Variants in FOXN3 observed in about 807,000 individuals in gnomAD.
The protein encoded by FOXN3 is forkhead box protein N3.
In FOXN3, 7 loss-of-function variants were observed where a neutral mutation model predicts 38.4. The ratio of observed to expected loss-of-function variants is 0.18; its 90% confidence interval spans 0.10 to 0.34. The LOEUF (loss-of-function observed/expected upper bound fraction) is 0.34, where lower values mean the gene tolerates loss of function less well. Among genes scored for constraint, FOXN3 ranks in the 10% least tolerant of loss-of-function variants. FOXN3 has a pLI of 1.00. For synonymous variants in FOXN3, 230 were observed against 242.2 expected (o/e 0.95, Z 0.47); for missense variants, 456 against 613.4 (o/e 0.74, Z 2.71).
At chr14:89,526,498 T>A (rs1395709927) in intron 1 of FOXN3, among the ~76,000 whole-genome samples, 2 of 152,070 alleles carry the variant, frequency 1.3e-5, no homozygotes, top group East Asian at 3.8e-4. Flanking sequence ...ATAAACAATA[T>A]AATTTACAAT....
In FOXN3 at chr14:89,176,351, A is replaced by C. The variant is rs1277009118; in HGVS notation, c.851+4350T>G. Among the ~76,000 whole-genome samples, 6 of 149,758 alleles carry C rather than the reference A, an allele frequency of 4.0e-5. No homozygotes were observed. In the East Asian group the frequency reaches 1.2e-3, roughly 29 times the overall value. ...AAGACAAACAAACATGGCCTTTGCC[A>C]CTCTGTGGAGGAAAAAAAAATCCCT... is the stretch of plus-strand genomic sequence containing the variant. On this transcript the variant is annotated intron_variant, in intron 5 of 5. Transcript: ENST00000557258.
chr14:89,516,555 A>G (rs1179403010), intron 1 of FOXN3, among the ~76,000 whole-genome samples: 1 of 108,520 alleles, frequency 9.2e-6, no homozygotes, highest in Admixed American at 1.3e-4. Context: ...TCAGGCTGCC[A>G]GTAGTTTTTT....
At chr14:89,493,254 ATT>A (rs1006468914) in intron 1 of FOXN3, among the ~76,000 whole-genome samples, 2 of 152,216 alleles carry the variant, frequency 1.3e-5, no homozygotes, top group Admixed American at 1.3e-4. Context: ...AAATAAAAAA[ATT>A]TTTTGACATT....
chr14:89,539,797 G>A lies in FOXN3; in HGVS notation c.-15+79231C>T, dbSNP rs551013183. Among the ~76,000 whole-genome samples the A allele has an allele frequency of 7.9e-5, 12 of 152,306 alleles. No homozygotes were observed. In the South Asian group the frequency reaches 1.5e-3, roughly 18 times the overall value. ...ACTGATGGGTGACAGAGGGAGGCTC[G>A]TTAGGGTTAGTCCACGGCAGCTGTG... On this transcript the variant is annotated intron_variant, in intron 1 of 6. Transcript: ENST00000345097.
chr14:89,340,711 G>A (rs774662557), intron 3 of FOXN3, among the ~76,000 whole-genome samples: 28 of 152,042 alleles, frequency 1.8e-4, no homozygotes, highest in Non-Finnish European at 2.9e-4. Context: ...ATAGGGGGGA[G>A]GTTGGGATGA....
At chr14:89,236,243 C>T (rs1455805929) in intron 4 of FOXN3, among the ~76,000 whole-genome samples, 1 of 152,168 alleles carries the variant, frequency 6.6e-6, no homozygotes, top group African/African-American at 2.4e-5. Context: ...AGGCCGGGCA[C>T]GGTGGCTCAT....
intron 4 of FOXN3, among the ~76,000 whole-genome samples, chr14:89,235,696 G>A (rs570569817): frequency 1.5e-4 from 23 of 152,308 alleles, no homozygotes; most frequent in African/African-American, 4.8e-4. Flanking sequence ...AATCACAAAG[G>A]TCCTCACAAG....
chr14:89,505,682 C>G (rs1394994153), intron 1 of FOXN3, among the ~76,000 whole-genome samples: 1 of 152,130 alleles, frequency 6.6e-6, no homozygotes, highest in African/African-American at 2.4e-5. Context: ...ATTGCAGCCT[C>G]TGCCCGGCCA....
chr14:89,396,669 TAAG>T (rs1891107151), intron 2 of FOXN3, among the ~76,000 whole-genome samples: 1 of 152,044 alleles, frequency 6.6e-6, no homozygotes, highest in Non-Finnish European at 1.5e-5. Flanking sequence ...CCGTCTCTAC[TAAG>T]AATACAAAAA....
At chr14:89,239,002 T>C (rs1044464037) in intron 4 of FOXN3, among the ~76,000 whole-genome samples, 2 of 152,122 alleles carry the variant, frequency 1.3e-5, no homozygotes, top group Admixed American at 6.5e-5. Context: ...ACATTTAAAA[T>C]GAACAATTAT....
chr14:89,435,706 C>T (rs947519340), intron 1 of FOXN3, among the ~76,000 whole-genome samples: 14 of 152,224 alleles, frequency 9.2e-5, no homozygotes. Context: ...AAACCCTCAG[C>T]TATCCACAGG....
chr14:89,591,502 G>A (rs368324), intron 1 of FOXN3, among the ~76,000 whole-genome samples: 2,987 of 152,316 alleles, frequency 0.02, 47 homozygotes, highest in Non-Finnish European at 0.028. Context: ...CCCAGTCCAT[G>A]AGCAGCGCTA....
At chr14:89,502,716 G>A (rs1012063075) in intron 1 of FOXN3, among the ~76,000 whole-genome samples, 2 of 152,180 alleles carry the variant, frequency 1.3e-5, no homozygotes, top group African/African-American at 4.8e-5. Flanking sequence ...ATTTTAATAA[G>A]TGTCGGGGGG....
intron 1 of FOXN3, among the ~76,000 whole-genome samples, chr14:89,525,631 TA>T (rs55848557): frequency 0.021 from 2,653 of 123,878 alleles, 57 homozygotes; most frequent in African/African-American, 0.067. Flanking sequence ...TTGTTTTCAC[TA>T]AAAAAAAAAA....
intron 1 of FOXN3, among the ~76,000 whole-genome samples, chr14:89,520,105 C>A (rs1358231981): frequency 6.6e-6 from 1 of 151,686 alleles, no homozygotes; most frequent in East Asian, 1.9e-4. Flanking sequence ...CCTCCACCTC[C>A]TAGGCTCAAG....
chr14:89,176,901 C>T (rs914532140), intron 5 of FOXN3, among the ~76,000 whole-genome samples: 1 of 152,192 alleles, frequency 6.6e-6, no homozygotes, highest in Non-Finnish European at 1.5e-5. Context: ...CCCTCTTCCC[C>T]TAATTTCCCT....
intron 1 of FOXN3, among the ~76,000 whole-genome samples, chr14:89,546,711 A>G (rs1186161639): frequency 1.3e-5 from 2 of 152,080 alleles, no homozygotes; most frequent in African/African-American, 2.4e-5. Context: ...CTTTTCACAT[A>G]TATGTATATA....
Position 89,196,553 on chromosome 14 carries a change from T to C in FOXN3, c.746-15747A>G, listed in dbSNP as rs74077103. ...AATGTCCCTTGATTTGCTCCTCCCTTTGTGACTTGTGGCTGCCAGAGCTAC... is the reference window on the plus strand; with the variant it reads ...AATGTCCCTTGATTTGCTCCTCCCTCTGTGACTTGTGGCTGCCAGAGCTAC... On this transcript the variant is annotated intron_variant, in intron 4 of 5. Coordinates refer to ENST00000557258, the MANE Select transcript of FOXN3 (RefSeq NM_005197.4). Among the ~76,000 whole-genome samples the C allele has an allele frequency of 5.5e-3, 844 of 152,286 alleles. 8 individuals carry two copies. The highest frequency in any genetic ancestry group is 0.019 in the African/African-American group (787 of 41,558).
chr14:89,491,075 A>G (rs991504754), intron 1 of FOXN3, among the ~76,000 whole-genome samples: 1 of 152,118 alleles, frequency 6.6e-6, no homozygotes, highest in African/African-American at 2.4e-5. Flanking sequence ...CCCGGGTTCA[A>G]GCGATTCTCC....
Sources: allele counts gnomAD v4.1 joint callset (sites outside exome capture counted in the v4.1 genomes callset), GRCh38; gene constraint gnomAD v4.1.1; transcripts MANE v1.5; gene names NCBI Gene and HGNC (gene_info 2026-07-23, HGNC 2026-07-21).